Variants in DNAH11 observed in about 807,000 individuals in gnomAD.
DNAH11 encodes the protein axonemal beta dynein heavy chain 11.
A neutral mutation model predicts 526.0 loss-of-function variants in DNAH11; 442 were observed. The ratio of observed to expected loss-of-function variants is 0.84; its 90% CI spans 0.78 to 0.91. The LOEUF (loss-of-function observed/expected upper bound fraction) is 0.91. Ranked by LOEUF, DNAH11 falls within the 40% of genes least tolerant of loss-of-function variation. DNAH11 has a pLI of 0.00. For missense variants in DNAH11, 6,989 were observed against 5,448.7 expected (o/e 1.28, Z -8.90); for synonymous variants, 2,461 against 1,935.9 (o/e 1.27, Z -7.12).
At chr7:21,581,446 G>A (rs757123859) in intron 8 of DNAH11, among the ~76,000 whole-genome samples, 5 of 152,298 alleles carry the variant, frequency 3.3e-5, no homozygotes, top group Middle Eastern at 6.8e-3. Context: ...TAGTGTTTCC[G>A]TGTAGATTTA....
chr7:21,900,613 A>G (rs1319702404), intron 81 of DNAH11, among the ~76,000 whole-genome samples: 1 of 152,158 alleles, frequency 6.6e-6, no homozygotes, highest in Non-Finnish European at 1.5e-5. Context: ...GTCCCTACCA[A>G]GATGTTCCTT....
At chr7:21,661,599 T>C (rs1306178528) in intron 30 of DNAH11, among the ~76,000 whole-genome samples, 1 of 152,134 alleles carries the variant, frequency 6.6e-6, no homozygotes, top group Admixed American at 6.6e-5. Context: ...TTTGTGGTTC[T>C]GATAAAACTT....
At chr7:21,759,742 C>T (rs530480997) in intron 54 of DNAH11, among the ~76,000 whole-genome samples, 1 of 152,264 alleles carries the variant, frequency 6.6e-6, no homozygotes, top group Non-Finnish European at 1.5e-5. Flanking sequence ...ATGAAATGGA[C>T]TGAGCCCTGT....
chr7:21,782,315 C>A (rs1477906098), intron 57 of DNAH11, among the ~76,000 whole-genome samples: 2 of 152,318 alleles, frequency 1.3e-5, no homozygotes, highest in East Asian at 3.9e-4. Flanking sequence ...CAACTCTTCT[C>A]CTGTTTTATA....
At chr7:21,575,267 A>C (rs1000901519) in intron 8 of DNAH11, among the ~76,000 whole-genome samples, 8 of 151,974 alleles carry the variant, frequency 5.3e-5, no homozygotes, top group Non-Finnish European at 8.8e-5. Context: ...ATCTGTGGGA[A>C]CTCACCTGAG....
chr7:21,783,925 G>A (rs1788065377), intron 57 of DNAH11, among the ~76,000 whole-genome samples: 1 of 152,170 alleles, frequency 6.6e-6, no homozygotes, highest in Non-Finnish European at 1.5e-5. Flanking sequence ...CATGACCACA[G>A]AATAGAATAT....
chr7:21,637,606 T>A lies in DNAH11; in HGVS notation c.4726-5T>A, dbSNP rs532246469. ...TCCACGGCCCCGTATTGTACTTTCA[T>A]GCAGGAGTTAATGTTCAAGACAGCC... On this transcript the variant is annotated splice_polypyrimidine_tract_variant and splice_region_variant and intron_variant, in intron 26 of 81. Coordinates refer to ENST00000409508, the MANE Select transcript of DNAH11 (RefSeq NM_001277115.2). 2 of 1,564,850 alleles carry A rather than the reference T, an allele frequency of 1.3e-6. No individual in the cohort carries two copies. Among genetic ancestry groups the A allele is most frequent in the African/African-American group, 2.7e-5 (2 of 73,848 alleles).
chr7:21,682,086 T>C (rs1248406274), intron 31 of DNAH11, among the ~76,000 whole-genome samples: 2 of 152,196 alleles, frequency 1.3e-5, no homozygotes, highest in African/African-American at 4.8e-5. Context: ...CTTTGATACA[T>C]TTCCCCTTGA....
chr7:21,742,577 C>G (rs1785954752), intron 49 of DNAH11, among the ~76,000 whole-genome samples: 1 of 152,146 alleles, frequency 6.6e-6, no homozygotes, highest in Non-Finnish European at 1.5e-5. Context: ...TCCCACCAGG[C>G]CCCACCTCCA....
intron 80 of DNAH11, 142 bp from the exon 81 acceptor site, chr7:21,899,838 C>T: frequency 9.8e-7 from 1 of 1,019,816 alleles, no homozygotes; most frequent in East Asian, 2.6e-5. Flanking sequence ...TGGCCAACCC[C>T]CTGCTCCAGC....
chr7:21,571,632 A>G (rs1376826864), intron 7 of DNAH11, among the ~76,000 whole-genome samples, 174 bp from the exon 8 acceptor site: 1 of 152,218 alleles, frequency 6.6e-6, no homozygotes, highest in Non-Finnish European at 1.5e-5. Flanking sequence ...TTTAAAAATT[A>G]GCAATGACTT....
intron 45 of DNAH11, among the ~76,000 whole-genome samples, chr7:21,729,220 A>G (rs1395788428): frequency 6.6e-6 from 1 of 152,186 alleles, no homozygotes; most frequent in African/African-American, 2.4e-5. Flanking sequence ...GTCCTGTAGA[A>G]TCTAAGAAGT....
At chr7:21,867,768 C>A (rs988352466) in intron 71 of DNAH11, 91 bp from the exon 72 acceptor site, 1 of 1,203,650 alleles carries the variant, frequency 8.3e-7, no homozygotes, top group Non-Finnish European at 1.2e-6. Flanking sequence ...TTACTTCTAT[C>A]GTGTGCCTGT....
At chr7:21,744,759 C>G in intron 50 of DNAH11, 111 bp from the exon 51 acceptor site, 1 of 1,436,000 alleles carries the variant, frequency 7.0e-7, no homozygotes. Context: ...ACATTCCACC[C>G]ACCTACCCAT....
intron 12 of DNAH11, 40 bp from the exon 13 acceptor site, chr7:21,590,878 A>T (rs761145236): frequency 6.0e-5 from 70 of 1,176,374 alleles, no homozygotes; most frequent in Admixed American, 3.8e-5. Flanking sequence ...GAATGACATT[A>T]TGAAAATATG....
At chr7:21,817,922 G>T (rs889196769) in intron 64 of DNAH11, among the ~76,000 whole-genome samples, 3 of 152,040 alleles carry the variant, frequency 2.0e-5, no homozygotes, top group African/African-American at 7.2e-5. Context: ...ATGATAGTTG[G>T]ATAACTTACA....
intron 21 of DNAH11, 94 bp from the exon 22 acceptor site, chr7:21,616,115 A>G: frequency 2.2e-6 from 2 of 900,930 alleles, no homozygotes; most frequent in Non-Finnish European, 3.5e-6. Context: ...ACTGGATGAT[A>G]GAGTTACAGT....
intron 25 of DNAH11, among the ~76,000 whole-genome samples, chr7:21,631,434 A>G (rs891885368): frequency 4.6e-5 from 7 of 152,240 alleles, no homozygotes; most frequent in African/African-American, 1.7e-4. Context: ...TCAAAGTCTC[A>G]TCTGAGACAA....
intron 25 of DNAH11, among the ~76,000 whole-genome samples, chr7:21,622,461 A>G (rs1786111365): frequency 6.6e-6 from 1 of 152,216 alleles, no homozygotes; most frequent in Admixed American, 6.5e-5. Flanking sequence ...CAGAATTGGA[A>G]AAAACTACTT....
Sources: allele counts gnomAD v4.1 joint callset (sites outside exome capture counted in the v4.1 genomes callset), GRCh38; gene constraint gnomAD v4.1.1; transcripts MANE v1.5; gene names NCBI Gene and HGNC (gene_info 2026-07-23, HGNC 2026-07-21).